FNIP2: variants seen among roughly 807,000 people sequenced by gnomAD.
The protein encoded by FNIP2 is folliculin interacting protein 2, also known as folliculin-interacting protein 2.
A neutral mutation model predicts 108.7 loss-of-function variants in FNIP2; 32 were observed. The observed-to-expected ratio is 0.29, with a 90% confidence interval of 0.22 to 0.40. The LOEUF (loss-of-function observed/expected upper bound fraction) is 0.40. Ranked by LOEUF, FNIP2 falls within the 10% of genes least tolerant of loss-of-function variation. The pLI is 1.00. For synonymous variants in FNIP2, 480 were observed against 496.7 expected, an observed-to-expected ratio of 0.97 and a Z score of 0.45; for missense variants, 1,202 against 1,381.6, an observed-to-expected ratio of 0.87 and a Z score of 2.06.
At chr4:158,875,266 A>C (rs1006511361) in intron 14 of FNIP2, among the ~76,000 whole-genome samples, 1 of 152,026 alleles carries the variant, frequency 6.6e-6, no homozygotes, top group African/African-American at 2.4e-5. Context: ...GCCCAGGAGC[A>C]GACTGGACAG....
At chr4:158,873,181 A>C (rs186584592) in intron 14 of FNIP2, among the ~76,000 whole-genome samples, 1 of 151,906 alleles carries the variant, frequency 6.6e-6, no homozygotes, top group East Asian at 1.9e-4. Flanking sequence ...CTATTTTTTG[A>C]ACATTAATTT....
chr4:158,872,366 C>A (rs1578952445), intron 14 of FNIP2: 2 of 985,422 alleles, frequency 2.0e-6, no homozygotes, highest in African/African-American at 1.7e-5. Context: ...TTTGAAAAAA[C>A]ACAACCATGT....
chr4:158,891,374 A>C, intron 14 of FNIP2, 72 bp from the exon 15 acceptor site: 1 of 1,350,176 alleles, frequency 7.4e-7, no homozygotes, highest in Non-Finnish European at 1.0e-6. Context: ...AAATGTATTT[A>C]TCAGTAGTGA....
chr4:158,870,192 G>T, intron 13 of FNIP2, 121 bp from the exon 14 acceptor site: 2 of 1,087,680 alleles, frequency 1.8e-6, no homozygotes, highest in Non-Finnish European at 2.6e-6. Context: ...GAGGGTTGGT[G>T]ACATGGACCA....
At chr4:158,885,818 A>G (rs976057555) in intron 14 of FNIP2, among the ~76,000 whole-genome samples, 1 of 152,202 alleles carries the variant, frequency 6.6e-6, no homozygotes, top group African/African-American at 2.4e-5. Flanking sequence ...TTCAAGCCCA[A>G]TCTGACTTCA....
intron 5 of FNIP2, 114 bp downstream of exon 5, chr4:158,832,252 A>G (rs902446821): frequency 2.5e-6 from 2 of 801,938 alleles, no homozygotes; most frequent in Admixed American, 2.9e-5. Flanking sequence ...AATGAGTCCA[A>G]ATTAACAAAG....
intron 1 of FNIP2, among the ~76,000 whole-genome samples, chr4:158,772,766 T>G (rs1391680785): frequency 6.6e-6 from 1 of 152,228 alleles, no homozygotes; most frequent in Non-Finnish European, 1.5e-5. Flanking sequence ...GCGCTCTACC[T>G]GTATAAATCC....
chr4:158,906,721 A>G lies in FNIP2; in HGVS notation c.*2177A>G, dbSNP rs1207312175. On this transcript the variant is annotated 3_prime_UTR_variant, in exon 17 of 17. Coordinates refer to ENST00000264433, the MANE Select transcript of FNIP2 (RefSeq NM_020840.3). ...TATTGCCTACAAAAATAGACCAAGAATGTTGCTGCTCTTTTATAATCCTTT... is the reference window on the plus strand; with the variant it reads ...TATTGCCTACAAAAATAGACCAAGAGTGTTGCTGCTCTTTTATAATCCTTT... The G allele has an allele frequency of 6.6e-6, 1 of 152,188 alleles. No homozygotes were observed. The highest frequency in any genetic ancestry group is 1.5e-5 in the Non-Finnish European group (1 of 68,032). The allele number at this position is 152,188 out of a possible 1,614,324, so 9.4% of individuals were successfully genotyped here.
chr4:158,881,797 G>A (rs1397560381), intron 14 of FNIP2, among the ~76,000 whole-genome samples: 2 of 151,912 alleles, frequency 1.3e-5, no homozygotes, highest in African/African-American at 4.9e-5. Context: ...ATCTCGGCTC[G>A]CTACAACCTC....
At chr4:158,880,450 G>A (rs557510862) in intron 14 of FNIP2, among the ~76,000 whole-genome samples, 2 of 152,292 alleles carry the variant, frequency 1.3e-5, no homozygotes, top group South Asian at 4.1e-4. Flanking sequence ...GTGGAGTGGG[G>A]GGAGTGGGGA....
At chr4:158,878,791 G>A (rs912918227) in intron 14 of FNIP2, among the ~76,000 whole-genome samples, 2 of 151,822 alleles carry the variant, frequency 1.3e-5, no homozygotes, top group Admixed American at 6.6e-5. Flanking sequence ...AAGTGTTTAC[G>A]GTGATAAAAA....
At chr4:158,832,725 A>G (rs1778551433) in intron 5 of FNIP2, among the ~76,000 whole-genome samples, 1 of 152,220 alleles carries the variant, frequency 6.6e-6, no homozygotes, top group Non-Finnish European at 1.5e-5. Flanking sequence ...AAACAGTTTG[A>G]ACATTTAACA....
chr4:158,862,200 G>A (rs963965942), intron 12 of FNIP2, among the ~76,000 whole-genome samples: 8 of 148,292 alleles, frequency 5.4e-5, no homozygotes, highest in African/African-American at 1.2e-4. Flanking sequence ...CCCACCTCCC[G>A]CCCCAAGTTG....
chr4:158,828,201 C>T (rs1246079236), intron 2 of FNIP2, among the ~76,000 whole-genome samples: 8 of 152,316 alleles, frequency 5.3e-5, no homozygotes, highest in Non-Finnish European at 1.2e-4. Context: ...ATATTTCCAT[C>T]ACATGCTATG....
Position 158,832,090 on chromosome 4 carries a change from G to C in FNIP2, c.506G>C (p.Ser169Thr). ...AGTTCTCCTCCACAACTGATGATTA[G>C]TAAAGTCTTCTCTGCTAGAATGGGC... ...YIRSPPQLMI[S>T]KVFSARMGSF... Residue 169 changes from serine to threonine, a missense_variant, in exon 5 of 17, where the codon AGT becomes ACT. Physicochemically the swap from Ser to Thr is moderately conservative, Grantham distance 58 (BLOSUM62 1). This residue lies in a region of FNIP2 where 878 missense variants were observed against 990.3 expected (regional missense o/e 0.89). Coordinates refer to ENST00000264433, the MANE Select transcript of FNIP2 (RefSeq NM_020840.3). The C allele has an allele frequency of 1.2e-6, 2 of 1,613,722 alleles. No homozygotes were observed. Among genetic ancestry groups the C allele is most frequent in the Non-Finnish European group, 1.7e-6 (2 of 1,179,782 alleles).
intron 1 of FNIP2, among the ~76,000 whole-genome samples, chr4:158,770,217 C>A (rs1365647673): frequency 6.6e-6 from 1 of 152,174 alleles, no homozygotes; most frequent in Non-Finnish European, 1.5e-5. Flanking sequence ...CTATGCTATT[C>A]TGATTTCAAG....
chr4:158,905,618 C>T lies in FNIP2; in HGVS notation c.*1074C>T, dbSNP rs1385022192. 6.6e-6 allele frequency: 1 copy of T among 151,450 alleles called. No individual in the cohort carries two copies. The highest frequency in any genetic ancestry group is 2.4e-5 in the African/African-American group (1 of 41,164). 9.4% of individuals were successfully genotyped at this position (151,450 alleles called of 1,614,324 possible). A position where few individuals can be genotyped will look rare whatever the true frequency, so the allele number is the denominator to read the frequency against. The stretch of plus-strand genomic sequence containing the variant: ...TTTCTGTGCCTTCTAATTCCTGCAT[C>T]CTTTTCAAAACATCTTTCCAGACAT... On this transcript the variant is annotated 3_prime_UTR_variant, in exon 17 of 17. Coordinates refer to ENST00000264433, the MANE Select transcript of FNIP2 (RefSeq NM_020840.3).
intron 8 of FNIP2, among the ~76,000 whole-genome samples, chr4:158,854,181 T>C (rs1370114474): frequency 6.6e-6 from 1 of 152,250 alleles, no homozygotes; most frequent in Non-Finnish European, 1.5e-5. Context: ...AATGTCCCCA[T>C]GTAGGCTTTT....
At chr4:158,798,379 T>A (rs1776657468) in intron 1 of FNIP2, among the ~76,000 whole-genome samples, 1 of 152,190 alleles carries the variant, frequency 6.6e-6, no homozygotes, top group Non-Finnish European at 1.5e-5. Flanking sequence ...AGATTTTTTC[T>A]TAATCCAAGT....
Sources: allele counts gnomAD v4.1 joint callset (sites outside exome capture counted in the v4.1 genomes callset), GRCh38; gene constraint gnomAD v4.1.1; regional missense constraint gnomAD v4.1.1; transcripts MANE v1.5; gene names NCBI Gene and HGNC (gene_info 2026-07-23, HGNC 2026-07-21).